Variants in ZNF804A observed in about 807,000 individuals in gnomAD.
ZNF804A encodes the protein zinc finger protein 804A.
A neutral mutation model predicts 16.5 loss-of-function variants in ZNF804A; 2 were observed. That is an observed-to-expected ratio of 0.12 (90% CI 0.05 to 0.38). The LOEUF is 0.38. ZNF804A is among the 10% of genes least tolerant of loss of function. ZNF804A has a pLI of 0.99. For missense variants in ZNF804A, 1,473 were observed against 1,390.7 expected (o/e 1.06, Z -0.94); for synonymous variants, 534 against 489.6 (o/e 1.09, Z -1.20).
At chr2:184,722,724 C>T (rs558929661) in intron 1 of ZNF804A, among the ~76,000 whole-genome samples, 1 of 152,068 alleles carries the variant, frequency 6.6e-6, no homozygotes, top group East Asian at 1.9e-4. Flanking sequence ...ACTCTATACT[C>T]AGAATTAAGG....
At chr2:184,604,185 T>G (rs1206926781) in intron 1 of ZNF804A, among the ~76,000 whole-genome samples, 1 of 117,276 alleles carries the variant, frequency 8.5e-6, no homozygotes, top group Non-Finnish European at 1.7e-5. Flanking sequence ...TTTTTTTTTT[T>G]TTGAGACGGA....
intron 2 of ZNF804A, among the ~76,000 whole-genome samples, chr2:184,879,375 C>A (rs1251927597): frequency 6.6e-6 from 1 of 151,922 alleles, no homozygotes; most frequent in African/African-American, 2.4e-5. Context: ...AGTTTTCAAC[C>A]TCATTTCCAA....
At chr2:184,796,990 G>T (rs1286819837) in intron 1 of ZNF804A, among the ~76,000 whole-genome samples, 1 of 152,044 alleles carries the variant, frequency 6.6e-6, no homozygotes, top group Admixed American at 6.5e-5. Flanking sequence ...GGTCTGAAGA[G>T]TGCTTGATAT....
At chr2:184,809,797 C>A (rs1475159726) in intron 1 of ZNF804A, among the ~76,000 whole-genome samples, 2 of 151,860 alleles carry the variant, frequency 1.3e-5, no homozygotes, top group African/African-American at 2.4e-5. Flanking sequence ...GTAATCTATT[C>A]AAATACTCTC....
intron 1 of ZNF804A, among the ~76,000 whole-genome samples, chr2:184,702,927 G>T (rs999740190): frequency 6.6e-6 from 1 of 152,066 alleles, no homozygotes; most frequent in Non-Finnish European, 1.5e-5. Context: ...AATTTTATAA[G>T]CATATTTATA....
In ZNF804A at chr2:184,937,576, C is replaced by T. The variant is rs1228797750; in HGVS notation, c.2180C>T (p.Thr727Ile). Residue 727 changes from threonine (T) to isoleucine (I), a missense_variant, in exon 4 of 4, where the codon ACC (threonine) becomes ATC (isoleucine). By Grantham distance (89) the Thr-to-Ile change is moderately conservative. Transcript: ENST00000302277. ...TYSRTYCCWKTKMSSCSQDHR... is the reference protein window; with the variant it reads ...TYSRTYCCWKIKMSSCSQDHR... The stretch of plus-strand genomic sequence containing the variant: ...TCTAGAACTTACTGTTGTTGGAAAA[C>T]CAAAATGTCAAGCTGTAGTCAGGAT... 1.2e-6 allele frequency: 2 copies of T among 1,612,128 alleles called. No individual in the cohort carries two copies. Among genetic ancestry groups the T allele is most frequent in the Admixed American group, 1.7e-5 (1 of 59,280 alleles).
chr2:184,894,842 C>T (rs2105824155), intron 2 of ZNF804A, among the ~76,000 whole-genome samples: 1 of 152,056 alleles, frequency 6.6e-6, no homozygotes, highest in African/African-American at 2.4e-5. Flanking sequence ...CCCGACACCG[C>T]GCCCAGCTAA....
chr2:184,885,194 C>T (rs1684869206), intron 2 of ZNF804A, among the ~76,000 whole-genome samples: 1 of 152,014 alleles, frequency 6.6e-6, no homozygotes, highest in South Asian at 2.1e-4. Flanking sequence ...AAACGACAGG[C>T]TCTAGCAAGG....
chr2:184,778,916 A>G (rs926076531), intron 1 of ZNF804A, among the ~76,000 whole-genome samples: 4 of 151,752 alleles, frequency 2.6e-5, no homozygotes, highest in African/African-American at 9.7e-5. Flanking sequence ...TAAATTTTCT[A>G]TATTTATAAA....
chr2:184,732,486 GTTC>G (rs1203484502), intron 1 of ZNF804A, among the ~76,000 whole-genome samples: 3 of 151,956 alleles, frequency 2.0e-5, no homozygotes, highest in Non-Finnish European at 4.4e-5. Context: ...CTTCAACTTT[GTTC>G]TTCTTTATTA....
At chr2:184,835,643 T>A (rs1359171167) in intron 1 of ZNF804A, among the ~76,000 whole-genome samples, 1 of 148,724 alleles carries the variant, frequency 6.7e-6, no homozygotes, top group Non-Finnish European at 1.5e-5. Context: ...GAGAAATAAT[T>A]CATTTAGCTC....
chr2:184,773,156 T>C (rs1694242669), intron 1 of ZNF804A, among the ~76,000 whole-genome samples: 1 of 151,560 alleles, frequency 6.6e-6, no homozygotes, highest in Non-Finnish European at 1.5e-5. Flanking sequence ...TTTTTCTCTA[T>C]TTTATAATGG....
chr2:184,937,032 C>G lies in ZNF804A; in HGVS notation c.1636C>G (p.Gln546Glu), dbSNP rs1559008927. 2 of 1,610,238 alleles carry G rather than the reference C, an allele frequency of 1.2e-6. No homozygotes were observed. The highest frequency in any genetic ancestry group is 1.7e-6 in the Non-Finnish European group (2 of 1,178,880). ...CDSGKNENTG[Q>E]RYKNISCKIR... Reference sequence around the variant, plus strand: ...TTCTGGAAAAAATGAGAACACAGGTCAGAGGTATAAAAACATTTCCTGTAA... The same window carrying G: ...TTCTGGAAAAAATGAGAACACAGGTGAGAGGTATAAAAACATTTCCTGTAA... Residue 546 changes from glutamine to glutamate, a missense_variant, in exon 4 of 4, where the codon CAG becomes GAG. Gln to Glu is a conservative substitution (Grantham distance 29, BLOSUM62 2). Transcript: ENST00000302277.
At chr2:184,920,120 CAACA>C (rs755717177) in intron 2 of ZNF804A, among the ~76,000 whole-genome samples, 239 of 152,088 alleles carry the variant, frequency 1.6e-3, no homozygotes, top group Non-Finnish European at 2.8e-3. Context: ...ATCTAAAAAA[CAACA>C]AACAAACAAA....
chr2:184,804,805 C>T (rs1008880661), intron 1 of ZNF804A, among the ~76,000 whole-genome samples: 2 of 152,178 alleles, frequency 1.3e-5, no homozygotes, highest in South Asian at 2.1e-4. Context: ...ATATCAAGTG[C>T]GTTATACAGC....
intron 1 of ZNF804A, among the ~76,000 whole-genome samples, chr2:184,650,113 G>C (rs1691954395): frequency 6.6e-6 from 1 of 152,014 alleles, no homozygotes; most frequent in Non-Finnish European, 1.5e-5. Flanking sequence ...AATTCACTAT[G>C]ATCAAGTAGG....
intron 2 of ZNF804A, among the ~76,000 whole-genome samples, chr2:184,877,291 C>T (rs1231149394): frequency 6.6e-6 from 1 of 151,956 alleles, no homozygotes; most frequent in Non-Finnish European, 1.5e-5. Flanking sequence ...TATAGATTTA[C>T]TAATACTTTA....
At chr2:184,898,131 T>A (rs900139564) in intron 2 of ZNF804A, among the ~76,000 whole-genome samples, 6 of 152,148 alleles carry the variant, frequency 3.9e-5, no homozygotes, top group African/African-American at 1.4e-4. Context: ...ACATGTCAGT[T>A]TTTATTCTTG....
At chr2:184,921,619 C>A (rs1193287841) in intron 2 of ZNF804A, among the ~76,000 whole-genome samples, 1 of 152,062 alleles carries the variant, frequency 6.6e-6, no homozygotes, top group Non-Finnish European at 1.5e-5. Context: ...AAGCATTTAT[C>A]CTTTGTGTTT....
Sources: gnomAD v4.1 joint callset for allele counts (sites outside exome capture counted in the v4.1 genomes callset) on GRCh38, gnomAD v4.1.1 for gene constraint, MANE v1.5 for transcripts, NCBI Gene and HGNC (gene_info 2026-07-23, HGNC 2026-07-21) for gene names.